Variants in LRTM1 observed in about 807,000 individuals in gnomAD.
LRTM1 encodes the protein leucine-rich repeat and transmembrane domain-containing protein 1.
In LRTM1, 38 loss-of-function variants were observed where a neutral mutation model predicts 32.4. The observed-to-expected ratio is 1.17, with a 90% confidence interval of 0.91 to 1.54. The LOEUF (loss-of-function observed/expected upper bound fraction) is 1.54. Ranked by LOEUF, LRTM1 falls within the 40% of genes most tolerant of loss-of-function variation. LRTM1 has a pLI of 0.00. For missense variants in LRTM1, 466 were observed against 415.4 expected (o/e 1.12, Z -1.06); for synonymous variants, 186 against 169.9 (o/e 1.09, Z -0.74).
At chr3:54,960,224 T>G (rs534384287) in intron 1 of LRTM1, among the ~76,000 whole-genome samples, 21 of 152,252 alleles carry the variant, frequency 1.4e-4, no homozygotes, top group East Asian at 9.7e-4. Flanking sequence ...AAGAAAATCT[T>G]CTGCTGCGGC....
chr3:54,930,789 A>G (rs1220509806), upstream of LRTM1, among the ~76,000 whole-genome samples: 4 of 152,212 alleles, frequency 2.6e-5, no homozygotes, highest in African/African-American at 4.8e-5. Context: ...TATCTGGTAG[A>G]GCAAAAGATC....
At position 54,943,846 on chromosome 3, in the gene LRTM1, T is replaced by A. The variant is rs150221122; in HGVS notation, c.-221-18631A>T. Among the ~76,000 whole-genome samples the A allele has an allele frequency of 5.7e-3, 874 of 152,222 alleles. 13 individuals carry two copies. Among genetic ancestry groups the A allele is most frequent in the African/African-American group, 0.019 (783 of 41,540 alleles). Reference sequence around the variant, plus strand: ...CTCTTCCCTATTTTTCTCTGTCATCTCCCCCTTTCTCCTAAACCCTCATGC... The same window carrying A: ...CTCTTCCCTATTTTTCTCTGTCATCACCCCCTTTCTCCTAAACCCTCATGC... On this transcript the variant is annotated intron_variant, in intron 1 of 2. Transcript: ENST00000493075.
At chr3:54,929,913 C>T (rs1701142886), upstream of LRTM1, among the ~76,000 whole-genome samples, 1 of 152,196 alleles carries the variant, frequency 6.6e-6, no homozygotes, top group Admixed American at 6.5e-5. Context: ...AACACTCCTT[C>T]TAAGAACTAG....
intron 1 of LRTM1, among the ~76,000 whole-genome samples, chr3:54,959,770 A>G (rs1267252288): frequency 1.3e-5 from 2 of 152,152 alleles, no homozygotes; most frequent in Non-Finnish European, 2.9e-5. Context: ...TGGCTTGAAA[A>G]CTTTATTGAA....
intron 1 of LRTM1, among the ~76,000 whole-genome samples, chr3:54,963,969 G>A (rs570867384): frequency 6.6e-6 from 1 of 152,336 alleles, no homozygotes; most frequent in African/African-American, 2.4e-5. Context: ...AGAGTATTGA[G>A]AGGAGTTGTG....
chr3:54,945,992 C>A (rs1422032053), intron 1 of LRTM1, among the ~76,000 whole-genome samples: 3 of 152,188 alleles, frequency 2.0e-5, no homozygotes, highest in Non-Finnish European at 4.4e-5. Flanking sequence ...GCTTATTCGC[C>A]TAGCTCTTTC....
chr3:54,944,353 A>G (rs1381705270), intron 1 of LRTM1, among the ~76,000 whole-genome samples: 2 of 151,600 alleles, frequency 1.3e-5, no homozygotes, highest in Non-Finnish European at 2.9e-5. Context: ...CTACTTTTAA[A>G]TTCATTTGTA....
chr3:54,947,772 T>A (rs1701651672), intron 1 of LRTM1, among the ~76,000 whole-genome samples: 1 of 152,174 alleles, frequency 6.6e-6, no homozygotes, highest in Non-Finnish European at 1.5e-5. Flanking sequence ...ATGCTAGCCC[T>A]AAGGCAACTA....
chr3:54,937,395 C>T (rs9883727), intron 1 of LRTM1, among the ~76,000 whole-genome samples: 2,330 of 152,256 alleles, frequency 0.015, 56 homozygotes, highest in African/African-American at 0.053. Context: ...TTGGTTCCAG[C>T]AATCTGTGCT....
intron 2 of LRTM1, among the ~76,000 whole-genome samples, chr3:54,920,358 C>A (rs1393230742): frequency 6.6e-6 from 1 of 152,176 alleles, no homozygotes; most frequent in Non-Finnish European, 1.5e-5. Flanking sequence ...GTGGCAGTGG[C>A]AAAATTCAAC....
chr3:54,951,180 A>G (rs762421596), intron 1 of LRTM1, among the ~76,000 whole-genome samples: 1 of 152,206 alleles, frequency 6.6e-6, no homozygotes, highest in African/African-American at 2.4e-5. Context: ...TAACTACAAG[A>G]TAATACAGAA....
chr3:54,920,222 T>C (rs1484493541), intron 2 of LRTM1, among the ~76,000 whole-genome samples: 9 of 152,214 alleles, frequency 5.9e-5, no homozygotes, highest in Non-Finnish European at 1.2e-4. Flanking sequence ...CTTCAGAGTT[T>C]TAGGAATGCT....
chr3:54,939,839 A>G (rs1559638186), intron 1 of LRTM1, among the ~76,000 whole-genome samples: 3 of 152,128 alleles, frequency 2.0e-5, no homozygotes, highest in Admixed American at 6.5e-5. Flanking sequence ...GATTGTTTGG[A>G]CAACCACATG....
At chr3:54,938,021 A>G (rs1250797652) in intron 1 of LRTM1, among the ~76,000 whole-genome samples, 1 of 152,214 alleles carries the variant, frequency 6.6e-6, no homozygotes, top group Non-Finnish European at 1.5e-5. Flanking sequence ...GGAGGTAAAG[A>G]GGATGTTGAT....
rs147328627 is a variant in LRTM1, at chr3:54,927,658, C to T, written c.7+247G>A. Among the ~76,000 whole-genome samples, 418 of 152,306 alleles carry T rather than the reference C, an allele frequency of 2.7e-3. 2 individuals carry two copies. Among genetic ancestry groups the T allele is most frequent in the African/African-American group, 9.7e-3 (402 of 41,558 alleles). ...AACTCCAACTACAAGCACCATGTTT[C>T]CTATGAAATGGCCCGTGACATGCCA... On this transcript the variant is annotated intron_variant, in intron 1 of 2. Transcript: ENST00000273286.
chr3:54,918,317 A>G lies in LRTM1; in HGVS notation c.*142T>C, dbSNP rs909354031. ...CTCCCCAGAAATATTTTTTACAGACACATCTTTTTTTTTTCTTTTTTTTTT... is the reference window on the plus strand; with the variant it reads ...CTCCCCAGAAATATTTTTTACAGACGCATCTTTTTTTTTTCTTTTTTTTTT... On this transcript the variant is annotated 3_prime_UTR_variant, in exon 3 of 3. Coordinates refer to ENST00000273286, the MANE Select transcript of LRTM1 (RefSeq NM_020678.4). The G allele has an allele frequency of 1.9e-5, 14 of 744,902 alleles. No individual in the cohort carries two copies. In the East Asian group the frequency reaches 2.1e-4, roughly 11 times the overall value. 46.1% of individuals were successfully genotyped at this position (744,902 alleles called of 1,614,324 possible).
At chr3:54,955,441 T>C (rs1701863369) in intron 1 of LRTM1, among the ~76,000 whole-genome samples, 1 of 151,978 alleles carries the variant, frequency 6.6e-6, no homozygotes, top group African/African-American at 2.4e-5. Context: ...TTAAGACAAT[T>C]GCATTTCTTT....
intron 1 of LRTM1, 26 bp downstream of exon 1, chr3:54,927,879 T>C (rs767206146): frequency 1.2e-6 from 2 of 1,613,356 alleles, no homozygotes; most frequent in African/African-American, 2.7e-5. Context: ...CAAGAACTTT[T>C]CCAACGGGAA....
chr3:54,940,852 A>C (rs1260654728), intron 1 of LRTM1, among the ~76,000 whole-genome samples: 1 of 152,212 alleles, frequency 6.6e-6, no homozygotes, highest in Non-Finnish European at 1.5e-5. Flanking sequence ...ATGGACAATG[A>C]GTTCACCTCC....
Sources: allele counts gnomAD v4.1 joint callset (sites outside exome capture counted in the v4.1 genomes callset), GRCh38; gene constraint gnomAD v4.1.1; transcripts MANE v1.5; gene names NCBI Gene and HGNC (gene_info 2026-07-23, HGNC 2026-07-21).